HTR1F: variants seen among roughly 807,000 people sequenced by gnomAD.
The protein encoded by HTR1F is 5-hydroxytryptamine (serotonin) receptor 1F, G protein-coupled.
Under a neutral mutation model 24.0 loss-of-function variants are expected in HTR1F, and 17 were observed. The observed-to-expected ratio is 0.71, with a 90% CI of 0.48 to 1.06. HTR1F has a LOEUF of 1.06. Among genes scored for constraint, HTR1F ranks in the 50% least tolerant of loss-of-function variants. The pLI is 0.00. For synonymous variants in HTR1F, 186 were observed against 156.8 expected, an observed-to-expected ratio of 1.19 and a Z score of -1.39; for missense variants, 391 against 427.8, an observed-to-expected ratio of 0.91 and a Z score of 0.76.
At chr3:87,928,083 T>C (rs559663173) in intron 2 of HTR1F, among the ~76,000 whole-genome samples, 1 of 150,742 alleles carries the variant, frequency 6.6e-6, no homozygotes, top group East Asian at 2.0e-4. Flanking sequence ...TCTTGCTCTG[T>C]CACCCAGGCT....
chr3:87,838,184 A>T (rs1016230719), intron 2 of HTR1F, among the ~76,000 whole-genome samples: 1 of 152,162 alleles, frequency 6.6e-6, no homozygotes, highest in African/African-American at 2.4e-5. Flanking sequence ...AGAAAGATTT[A>T]GTTAAGGGCT....
intron 2 of HTR1F, among the ~76,000 whole-genome samples, chr3:87,959,704 TA>T (rs1199665426): frequency 6.6e-6 from 1 of 151,516 alleles, no homozygotes; most frequent in Admixed American, 6.6e-5. Context: ...GCTGTTCTGA[TA>T]ATATGAATTT....
chr3:87,932,187 T>G (rs1704292783), intron 2 of HTR1F, among the ~76,000 whole-genome samples: 1 of 152,160 alleles, frequency 6.6e-6, no homozygotes, highest in Non-Finnish European at 1.5e-5. Context: ...GGTCTAACAT[T>G]TAAGTCTTTA....
chr3:87,886,274 T>C (rs1705940895), intron 2 of HTR1F, among the ~76,000 whole-genome samples: 2 of 152,144 alleles, frequency 1.3e-5, no homozygotes, highest in Non-Finnish European at 2.9e-5. Flanking sequence ...GAAAAGGCCT[T>C]TGACAAAATT....
intron 2 of HTR1F, among the ~76,000 whole-genome samples, chr3:87,857,464 GTAT>G: frequency 6.6e-6 from 1 of 152,128 alleles, no homozygotes; most frequent in East Asian, 1.9e-4. Flanking sequence ...AATAGTTCTA[GTAT>G]TATTTTTCCA....
At chr3:87,882,658 G>A (rs2107284277) in intron 2 of HTR1F, among the ~76,000 whole-genome samples, 1 of 139,322 alleles carries the variant, frequency 7.2e-6, no homozygotes, top group East Asian at 2.2e-4. Context: ...TGAACAATGA[G>A]AACATATGGA....
At chr3:87,897,951 A>G (rs756962720) in intron 2 of HTR1F, among the ~76,000 whole-genome samples, 1 of 152,080 alleles carries the variant, frequency 6.6e-6, no homozygotes, top group South Asian at 2.1e-4. Context: ...ATGTCTCCCA[A>G]CAGTGTAAGC....
At chr3:87,886,685 C>A (rs949779179) in intron 2 of HTR1F, among the ~76,000 whole-genome samples, 59 of 151,794 alleles carry the variant, frequency 3.9e-4, no homozygotes, top group Non-Finnish European at 7.2e-4. Context: ...AAGCATTCGT[C>A]TACACCAATA....
intron 2 of HTR1F, among the ~76,000 whole-genome samples, chr3:87,915,239 AC>A (rs1312536670): frequency 1.3e-5 from 2 of 152,176 alleles, no homozygotes; most frequent in African/African-American, 4.8e-5. Context: ...GACAGAGCCT[AC>A]CCAAATGAGA....
chr3:87,915,238 T>C lies in HTR1F; in HGVS notation c.-42-75470T>C, dbSNP rs1420399468. 6.6e-5 allele frequency among the ~76,000 whole-genome samples: 10 copies of C among 152,194 alleles called. 2 individuals are homozygous for C. Among genetic ancestry groups the C allele is most frequent in the Admixed American group, 5.2e-4 (8 of 15,264 alleles). On this transcript the variant is annotated intron_variant, in intron 2 of 2. Transcript: ENST00000319595. ...CCTAGACCTCCCCTCTGACAGAGCC[T>C]ACCCAAATGAGAAGGAACCAGAAAA...
At chr3:87,842,878 A>G (rs1233130159) in intron 2 of HTR1F, among the ~76,000 whole-genome samples, 1 of 151,956 alleles carries the variant, frequency 6.6e-6, no homozygotes, top group Non-Finnish European at 1.5e-5. Context: ...AAAAGCTGTA[A>G]AATGCCACTA....
At chr3:87,975,036 A>AT (rs2107501808) in intron 2 of HTR1F, among the ~76,000 whole-genome samples, 1 of 152,260 alleles carries the variant, frequency 6.6e-6, no homozygotes, top group African/African-American at 2.4e-5. Flanking sequence ...ATATTTTATA[A>AT]TTTTATCTAA....
chr3:87,938,037 G>C (rs1309125386), intron 2 of HTR1F, among the ~76,000 whole-genome samples: 1 of 151,980 alleles, frequency 6.6e-6, no homozygotes, highest in Non-Finnish European at 1.5e-5. Context: ...TATGTAGACA[G>C]TCCCACAGTG....
chr3:87,799,488 C>T (rs1186529788), intron 1 of HTR1F, among the ~76,000 whole-genome samples: 1 of 152,110 alleles, frequency 6.6e-6, no homozygotes, highest in Non-Finnish European at 1.5e-5. Flanking sequence ...TAGCAAACAA[C>T]ATAGTGATAT....
chr3:87,878,646 C>T (rs1205704225), intron 2 of HTR1F, among the ~76,000 whole-genome samples: 3 of 151,964 alleles, frequency 2.0e-5, no homozygotes, highest in African/African-American at 7.2e-5. Flanking sequence ...TGTAAGTATA[C>T]ACAGGCAGAT....
intron 2 of HTR1F, among the ~76,000 whole-genome samples, chr3:87,953,635 C>G: frequency 6.6e-6 from 1 of 151,646 alleles, no homozygotes; most frequent in Non-Finnish European, 1.5e-5. Context: ...GAGATTTCTT[C>G]AAAAACTAAA....
At chr3:87,909,743 G>A (rs1215691346) in intron 2 of HTR1F, among the ~76,000 whole-genome samples, 1 of 151,984 alleles carries the variant, frequency 6.6e-6, no homozygotes, top group Non-Finnish European at 1.5e-5. Context: ...TAGAAATCCA[G>A]GCTTCTACAT....
At chr3:87,955,015 A>G (rs56126309) in intron 2 of HTR1F, among the ~76,000 whole-genome samples, 1 of 151,172 alleles carries the variant, frequency 6.6e-6, no homozygotes, top group Admixed American at 6.6e-5. Context: ...TGTCTCAGTT[A>G]TTTGGTGTCC....
chr3:87,808,254 C>T (rs1314699728), intron 1 of HTR1F, among the ~76,000 whole-genome samples: 1 of 151,688 alleles, frequency 6.6e-6, no homozygotes, highest in Non-Finnish European at 1.5e-5. Flanking sequence ...TCCTGTACTT[C>T]TGTTGTTGGG....
Sources: allele counts gnomAD v4.1 joint callset (sites outside exome capture counted in the v4.1 genomes callset), GRCh38; gene constraint gnomAD v4.1.1; transcripts MANE v1.5; gene names NCBI Gene and HGNC (gene_info 2026-07-23, HGNC 2026-07-21).